Variants in MTFR1 observed in about 807,000 individuals in gnomAD.
The protein encoded by MTFR1 is chondrocyte protein with a poly-proline region.
A neutral mutation model predicts 38.8 loss-of-function variants in MTFR1; 28 were observed. The ratio of observed to expected loss-of-function variants is 0.72; its 90% CI spans 0.53 to 0.99. The LOEUF (loss-of-function observed/expected upper bound fraction) is 0.99, where lower values mean the gene tolerates loss of function less well. Among genes scored for constraint, MTFR1 ranks in the 50% least tolerant of loss-of-function variants. The pLI, the probability that MTFR1 is intolerant of heterozygous loss-of-function variation, is 0.00. For missense variants in MTFR1, 358 were observed against 395.5 expected (o/e 0.91, Z 0.81); for synonymous variants, 145 against 137.0 (o/e 1.06, Z -0.41).
In MTFR1 at chr8:65,707,065, AC is replaced by A; in HGVS notation, c.575del (p.Pro192ArgfsTer19). The A allele has an allele frequency of 7.0e-7, 1 of 1,423,354 alleles. No homozygotes were observed. The highest frequency in any genetic ancestry group is 9.7e-7 in the Non-Finnish European group (1 of 1,034,408). 88.2% of individuals were successfully genotyped at this position (1,423,354 alleles called of 1,614,324 possible). On this transcript the variant is annotated frameshift_variant, in exon 6 of 8. Transcript: ENST00000262146. LOFTEE classifies it high-confidence loss of function. ...TACCACCACACCCTCCACCTCCCCC[AC>A]CGCCCCTGCCTCCCCCTGCACTGGG... ...TIPPHPPPPPPPLPPPALGLH... is the reference protein window; with the variant it reads ...TIPPHPPPPPXPLPPPALGLH...
chr8:65,649,798 C>G (rs575141576), intron 1 of MTFR1, among the ~76,000 whole-genome samples: 58 of 151,822 alleles, frequency 3.8e-4, no homozygotes, highest in African/African-American at 1.2e-3. Flanking sequence ...CCCCACCCCC[C>G]CACACTGTCC....
intron 3 of MTFR1, among the ~76,000 whole-genome samples, chr8:65,746,506 T>C (rs1807684032): frequency 6.6e-6 from 1 of 152,178 alleles, no homozygotes. Flanking sequence ...AATGTGTACT[T>C]CAGCCAAGCA....
intron 1 of MTFR1, among the ~76,000 whole-genome samples, chr8:65,659,877 A>T (rs1054814819): frequency 6.6e-6 from 1 of 152,058 alleles, no homozygotes; most frequent in Non-Finnish European, 1.5e-5. Context: ...ACTCTATATG[A>T]TTTAACTCAT....
chr8:65,677,156 T>A (rs1402965055), intron 2 of MTFR1, among the ~76,000 whole-genome samples: 1 of 125,282 alleles, frequency 8.0e-6, no homozygotes, highest in Non-Finnish European at 1.6e-5. Flanking sequence ...CACTGCAACC[T>A]CCACCTCCCG....
intron 3 of MTFR1, among the ~76,000 whole-genome samples, chr8:65,734,438 T>C (rs1240941959): frequency 6.6e-6 from 1 of 152,196 alleles, no homozygotes; most frequent in Admixed American, 6.5e-5. Context: ...AGGATAATTT[T>C]CTAAAGTCTC....
chr8:65,764,707 ATCT>A (rs775243708), intron 3 of MTFR1, among the ~76,000 whole-genome samples: 5 of 152,202 alleles, frequency 3.3e-5, no homozygotes, highest in Non-Finnish European at 5.9e-5. Context: ...TTTAAGAAAC[ATCT>A]TCTTTCATGT....
chr8:65,719,542 T>C (rs199548673), intron 3 of MTFR1: 119 of 1,235,524 alleles, frequency 9.6e-5, no homozygotes, highest in Non-Finnish European at 1.4e-4. Flanking sequence ...GCTGAAACTC[T>C]ATCTTTAAAA....
intron 3 of MTFR1, among the ~76,000 whole-genome samples, chr8:65,690,936 A>G (rs1275008936): frequency 6.6e-6 from 1 of 152,146 alleles, no homozygotes; most frequent in Non-Finnish European, 1.5e-5. Context: ...TCCTTATTAC[A>G]GTGTTATGGG....
At chr8:65,768,036 C>T (rs72666548) in intron 3 of MTFR1, among the ~76,000 whole-genome samples, 4,049 of 152,144 alleles carry the variant, frequency 0.027, 85 homozygotes, top group Middle Eastern at 0.078. Context: ...TCCAGGTAGA[C>T]AGTGTTGGAA....
chr8:65,739,041 T>C (rs1206779401), intron 3 of MTFR1, among the ~76,000 whole-genome samples: 1 of 152,256 alleles, frequency 6.6e-6, no homozygotes, highest in African/African-American at 2.4e-5. Context: ...GGGCCGATTC[T>C]GAGCCCAGGG....
Position 65,726,885 on chromosome 8 carries a change from A to G in MTFR1, c.*48+7404A>G. On this transcript the variant is annotated intron_variant, in intron 3 of 3. Transcript: ENST00000521247. ...CTTAATCCAACCTACCTGCTTTCTA[A>G]TGGCAGATGTGAGAATAAGCCTGAT... 3 of 1,582,284 alleles carry G rather than the reference A, an allele frequency of 1.9e-6. No homozygotes were observed. In the African/African-American group the frequency reaches 4.0e-5, roughly 21 times the overall value.
At chr8:65,669,766 C>T (rs1804510922) in intron 1 of MTFR1, 107 bp from the exon 2 acceptor site, 3 of 559,590 alleles carry the variant, frequency 5.4e-6, no homozygotes, top group Non-Finnish European at 9.3e-6. Context: ...GGTCAGGCTG[C>T]ACATGAAGTT....
At chr8:65,701,829 G>A (rs1397900462) in intron 4 of MTFR1, among the ~76,000 whole-genome samples, 1 of 152,118 alleles carries the variant, frequency 6.6e-6, no homozygotes, top group Admixed American at 6.5e-5. Context: ...TAACAAGCAA[G>A]CAGGCTGGCT....
intron 3 of MTFR1, among the ~76,000 whole-genome samples, chr8:65,736,790 GTT>G (rs34814975): frequency 4.7e-5 from 6 of 128,788 alleles, no homozygotes; most frequent in East Asian, 2.5e-4. Flanking sequence ...AAATTTATCT[GTT>G]TTTTTTTTTT....
intron 2 of MTFR1, chr8:65,718,460 G>A (rs1806234747): frequency 6.6e-6 from 1 of 152,166 alleles, no homozygotes; most frequent in Admixed American, 6.5e-5. Context: ...TCTCGCATGT[G>A]CAGGTCAAGT....
intron 3 of MTFR1, among the ~76,000 whole-genome samples, chr8:65,748,478 G>A (rs1417324424): frequency 2.0e-5 from 3 of 152,120 alleles, no homozygotes; most frequent in Non-Finnish European, 2.9e-5. Flanking sequence ...TCCCTCTAGT[G>A]TTAGAATAAA....
intron 3 of MTFR1, among the ~76,000 whole-genome samples, chr8:65,744,550 T>C (rs1807586326): frequency 6.6e-6 from 1 of 152,090 alleles, no homozygotes; most frequent in Admixed American, 6.5e-5. Context: ...GTGGGCATTT[T>C]CCCCCAAACC....
At chr8:65,662,046 T>TCTCTCTCC (rs1809437003) in intron 1 of MTFR1, among the ~76,000 whole-genome samples, 1 of 63,824 alleles carries the variant, frequency 1.6e-5, no homozygotes, top group Non-Finnish European at 3.2e-5. Flanking sequence ...TCTCTCCCTC[T>TCTCTCTCC]CTCTCTCCCT....
At chr8:65,659,498 G>A (rs67362541) in intron 1 of MTFR1, among the ~76,000 whole-genome samples, 28,740 of 150,368 alleles carry the variant, frequency 0.19, 2,920 homozygotes, top group Middle Eastern at 0.23. Flanking sequence ...GGCTGGGGTC[G>A]GACCACGCAA....
Sources: allele counts gnomAD v4.1 joint callset (sites outside exome capture counted in the v4.1 genomes callset), GRCh38; gene constraint gnomAD v4.1.1; transcripts MANE v1.5; gene names NCBI Gene and HGNC (gene_info 2026-07-23, HGNC 2026-07-21).